COP1: variants seen among roughly 807,000 people sequenced by gnomAD.
COP1 encodes COP1 E3 ubiquitin ligase, also known as E3 ubiquitin-protein ligase COP1.
COP1 carries 24 observed loss-of-function variants against 101.3 expected under a neutral mutation model. That is an observed-to-expected ratio of 0.24 (90% CI 0.17 to 0.33). The LOEUF (loss-of-function observed/expected upper bound fraction) is 0.33, where lower values mean the gene tolerates loss of function less well. Among genes scored for constraint, COP1 ranks in the 10% least tolerant of loss-of-function variants. The pLI is 1.00. For synonymous variants in COP1, 347 were observed against 341.9 expected (o/e 1.01, Z -0.17); for missense variants, 663 against 906.2 (o/e 0.73, Z 3.45).
At chr1:176,127,272 C>T (rs186355801) in intron 8 of COP1, among the ~76,000 whole-genome samples, 36 of 152,152 alleles carry the variant, frequency 2.4e-4, no homozygotes, top group Admixed American at 2.1e-3. Flanking sequence ...TTATAACCAC[C>T]TTGTTGCACA....
At position 176,116,735 on chromosome 1, in the gene COP1, C is replaced by T. The variant is rs951038708; in HGVS notation, c.969-54G>A. 11 of 1,295,660 alleles carry T rather than the reference C, an allele frequency of 8.5e-6. No individual in the cohort carries two copies. The African/African-American group carries it at 1.5e-4, about 17-fold the overall frequency. The allele number at this position is 1,295,660 out of a possible 1,614,324, so 80.3% of individuals were successfully genotyped here. A position where few individuals can be genotyped will look rare whatever the true frequency, so the allele number is the denominator to read the frequency against. ...TTCAGTATTTACATTATTTTAACAACAGAAAAAGTAAATCTAAAGTATATC... is the reference window on the plus strand; with the variant it reads ...TTCAGTATTTACATTATTTTAACAATAGAAAAAGTAAATCTAAAGTATATC... On this transcript the variant is annotated intron_variant, in intron 8 of 19. Coordinates refer to ENST00000367669, the MANE Select transcript of COP1 (RefSeq NM_022457.7).
chr1:176,115,683 T>C (rs773408149), intron 9 of COP1, among the ~76,000 whole-genome samples: 6 of 151,510 alleles, frequency 4.0e-5, no homozygotes, highest in South Asian at 2.1e-4. Context: ...CAGGAGGAGG[T>C]TGCAGTGAGC....
intron 14 of COP1, among the ~76,000 whole-genome samples, chr1:176,042,763 A>G (rs1435266341): frequency 2.1e-4 from 30 of 141,812 alleles, no homozygotes; most frequent in Non-Finnish European, 3.8e-4. Flanking sequence ...AGTGGCTCAC[A>G]TCTGTAATCC....
intron 18 of COP1, among the ~76,000 whole-genome samples, chr1:175,972,486 G>A (rs531193234): frequency 1.5e-5 from 2 of 137,372 alleles, no homozygotes; most frequent in African/African-American, 2.8e-5. Flanking sequence ...TTTTTTTTGA[G>A]ACAGAGTCTG....
chr1:176,072,031 T>G (rs960101814), intron 11 of COP1, among the ~76,000 whole-genome samples: 1 of 152,230 alleles, frequency 6.6e-6, no homozygotes, highest in Admixed American at 6.5e-5. Context: ...CTTAGATTGT[T>G]TGTGTTTCCT....
At chr1:176,134,887 G>C in intron 8 of COP1, 123 bp downstream of exon 8, 1 of 628,124 alleles carries the variant, frequency 1.6e-6, no homozygotes, top group East Asian at 2.7e-5. Context: ...ATCATTTCTA[G>C]ATCATGACCA....
chr1:176,173,842 G>T (rs997097013), intron 3 of COP1, among the ~76,000 whole-genome samples: 1 of 151,344 alleles, frequency 6.6e-6, no homozygotes, highest in African/African-American at 2.4e-5. Context: ...ACAAAAATTA[G>T]CCGGGTACAG....
intron 14 of COP1, among the ~76,000 whole-genome samples, chr1:176,041,353 C>CTTTTT (rs527574402): frequency 2.1e-5 from 3 of 144,198 alleles, no homozygotes; most frequent in Non-Finnish European, 4.6e-5. Context: ...TTCTTTTTTT[C>CTTTTT]TTTTTTTTTT....
Position 176,128,342 on chromosome 1 carries a change from G to GTATCCCCTA in COP1, c.968+6659_968+6667dup, listed in dbSNP as rs1688372758. On this transcript the variant is annotated intron_variant, in intron 8 of 19. Coordinates refer to ENST00000367669, the MANE Select transcript of COP1 (RefSeq NM_022457.7). The stretch of plus-strand genomic sequence containing the variant: ...ATGAGAAATTACAGGTGTATGAAGA[G>GTATCCCCTA]TATCCCCTATATTATTGCCATGGAA... 2.0e-5 allele frequency among the ~76,000 whole-genome samples: 3 copies of GTATCCCCTA among 152,094 alleles called. No homozygotes were observed. The South Asian group carries it at 6.2e-4, about 32-fold the overall frequency.
At chr1:176,149,855 GAC>G (rs1692143717) in intron 5 of COP1, among the ~76,000 whole-genome samples, 1 of 151,790 alleles carries the variant, frequency 6.6e-6, no homozygotes, top group Admixed American at 6.6e-5. Context: ...AACAATAAGA[GAC>G]AGTTTATGAA....
chr1:175,969,133 A>G (rs188415613), intron 18 of COP1, among the ~76,000 whole-genome samples: 1 of 152,360 alleles, frequency 6.6e-6, no homozygotes, highest in African/African-American at 2.4e-5. Flanking sequence ...AGAAAAAGCA[A>G]TACATTCAAG....
At chr1:176,196,834 G>A (rs1699746416) in intron 1 of COP1, among the ~76,000 whole-genome samples, 1 of 150,282 alleles carries the variant, frequency 6.7e-6, no homozygotes, top group Non-Finnish European at 1.5e-5. Flanking sequence ...TTGAGCCCAG[G>A]AGCTCAAGAC....
chr1:176,202,923 C>A (rs995175094), intron 1 of COP1, among the ~76,000 whole-genome samples: 1 of 152,098 alleles, frequency 6.6e-6, no homozygotes, highest in African/African-American at 2.4e-5. Context: ...CGAATTAAAT[C>A]ATGAGCTCCT....
chr1:176,130,562 T>C (rs910767818), intron 8 of COP1, among the ~76,000 whole-genome samples: 1 of 151,796 alleles, frequency 6.6e-6, no homozygotes, highest in East Asian at 1.9e-4. Flanking sequence ...TCAACTGATA[T>C]ATTTTTTTAA....
chr1:176,029,825 T>G (rs773201370), intron 14 of COP1, among the ~76,000 whole-genome samples: 1 of 152,238 alleles, frequency 6.6e-6, no homozygotes, highest in African/African-American at 2.4e-5. Context: ...AAGAATTTAA[T>G]ATGTGAAATC....
At chr1:176,133,730 A>G (rs1689334825) in intron 8 of COP1, 1 of 370,176 alleles carries the variant, frequency 2.7e-6, no homozygotes, top group African/African-American at 2.1e-5. Flanking sequence ...ATCTGGAAAC[A>G]ATATATACAA....
At chr1:176,125,099 A>T (rs1481790470) in intron 8 of COP1, among the ~76,000 whole-genome samples, 2 of 67,716 alleles carry the variant, frequency 3.0e-5, no homozygotes, top group Admixed American at 1.6e-4. Flanking sequence ...TTAAATGATT[A>T]TTCGATTTTT....
intron 18 of COP1, among the ~76,000 whole-genome samples, chr1:175,957,739 TA>T (rs1023223414): frequency 3.9e-5 from 6 of 152,342 alleles, no homozygotes; most frequent in Admixed American, 2.0e-4. Context: ...TATGAATGTT[TA>T]CAGCGGCTTT....
chr1:176,070,667 A>C (rs1349550994), intron 11 of COP1, among the ~76,000 whole-genome samples: 1 of 152,120 alleles, frequency 6.6e-6, no homozygotes, highest in Non-Finnish European at 1.5e-5. Flanking sequence ...ATTTCAAAAA[A>C]AATAAAACAA....
Sources: allele counts gnomAD v4.1 joint callset (sites outside exome capture counted in the v4.1 genomes callset), GRCh38; gene constraint gnomAD v4.1.1; transcripts MANE v1.5; gene names NCBI Gene and HGNC (gene_info 2026-07-23, HGNC 2026-07-21).